ZBTB7C: variants seen among roughly 807,000 people sequenced by gnomAD.
ZBTB7C encodes the protein zinc finger and BTB domain containing 7C.
Under a neutral mutation model 25.7 loss-of-function variants are expected in ZBTB7C, and 8 were observed. The observed-to-expected ratio is 0.31, with a 90% CI of 0.18 to 0.56. The LOEUF (loss-of-function observed/expected upper bound fraction) is 0.56. Ranked by LOEUF, ZBTB7C falls within the 20% of genes least tolerant of loss-of-function variation. ZBTB7C has a pLI of 0.91. For missense variants in ZBTB7C, 824 were observed against 855.2 expected, an observed-to-expected ratio of 0.96 and a Z score of 0.46; for synonymous variants, 394 against 369.0, an observed-to-expected ratio of 1.07 and a Z score of -0.78.
chr18:48,166,782 GTGA>G (rs1296798789), intron 3 of ZBTB7C, among the ~76,000 whole-genome samples: 2 of 152,208 alleles, frequency 1.3e-5, no homozygotes, highest in Non-Finnish European at 2.9e-5. Flanking sequence ...GGCACATTTG[GTGA>G]TGGTTTTGCT....
At chr18:48,268,831 A>C (rs1459498394) in intron 2 of ZBTB7C, among the ~76,000 whole-genome samples, 3 of 152,236 alleles carry the variant, frequency 2.0e-5, no homozygotes, top group African/African-American at 7.2e-5. Context: ...TTGTGATGCT[A>C]TAATAAAATA....
chr18:48,145,414 C>T (rs1477698710), intron 3 of ZBTB7C, among the ~76,000 whole-genome samples: 5 of 152,188 alleles, frequency 3.3e-5, no homozygotes, highest in Non-Finnish European at 5.9e-5. Flanking sequence ...CAACTCCCTA[C>T]AGTAATTTGA....
intron 2 of ZBTB7C, among the ~76,000 whole-genome samples, chr18:48,261,707 T>G (rs766108594): frequency 2.6e-5 from 4 of 152,198 alleles, no homozygotes; most frequent in Non-Finnish European, 5.9e-5. Flanking sequence ...CCCTAAGCTC[T>G]CACTGTCGCT....
rs2037645176 is a variant in ZBTB7C at position 48,073,709 on chromosome 18, G to A, written c.-16-32586C>T. ...TCCAGGGCTGAGTCTGGCTGTGGCT[G>A]GCCGGCTGGCCTCCGCCCTGGCTCC... is the stretch of plus-strand genomic sequence containing the variant. On this transcript the variant is annotated intron_variant, in intron 3 of 4. Coordinates refer to ENST00000590800, the MANE Select transcript of ZBTB7C (RefSeq NM_001318841.2). Among the ~76,000 whole-genome samples the A allele has an allele frequency of 2.0e-5, 3 of 151,906 alleles. No homozygotes were observed. The South Asian group carries it at 6.2e-4, about 32-fold the overall frequency.
intron 3 of ZBTB7C, among the ~76,000 whole-genome samples, chr18:48,167,564 GT>G (rs1568272665): frequency 4.2e-4 from 11 of 26,446 alleles, no homozygotes; most frequent in East Asian, 2.7e-3. Context: ...CATTGCTAGG[GT>G]GTGTGTGTGT....
At chr18:48,083,869 C>T (rs1285569559) in intron 3 of ZBTB7C, 15 of 985,424 alleles carry the variant, frequency 1.5e-5, no homozygotes, top group Non-Finnish European at 1.8e-5. Flanking sequence ...CCTATCTTGT[C>T]CCTGAAGAAA....
chr18:48,264,965 C>T (rs529446067), intron 2 of ZBTB7C, among the ~76,000 whole-genome samples: 5 of 152,286 alleles, frequency 3.3e-5, no homozygotes, highest in East Asian at 1.9e-4. Flanking sequence ...GGGAAGGTCA[C>T]GGTGAAGTGA....
chr18:48,371,224 G>A (rs1196918183), intron 1 of ZBTB7C, among the ~76,000 whole-genome samples: 1 of 152,164 alleles, frequency 6.6e-6, no homozygotes, highest in Non-Finnish European at 1.5e-5. Flanking sequence ...GCTCTATCAA[G>A]CTGCAGGCCA....
In ZBTB7C at chr18:48,071,751, T is replaced by C. The variant is rs138240370; in HGVS notation, c.-16-30628A>G. Among the ~76,000 whole-genome samples the C allele has an allele frequency of 2.5e-3, 376 of 152,358 alleles. 1 individual carries two copies. The highest frequency in any genetic ancestry group is 4.5e-3 in the Non-Finnish European group (306 of 68,036). The stretch of plus-strand genomic sequence containing the variant: ...GTGGAAACAAACCGAAGTCCATCAG[T>C]GGATGAATGGGGAAACCAAATGTGA... On this transcript the variant is annotated intron_variant, in intron 3 of 4. Coordinates refer to ENST00000590800, the MANE Select transcript of ZBTB7C (RefSeq NM_001318841.2).
At chr18:48,367,175 TTATATATA>T (rs71165321) in intron 1 of ZBTB7C, among the ~76,000 whole-genome samples, 1,405 of 62,230 alleles carry the variant, frequency 0.023, 87 homozygotes, top group African/African-American at 0.096. Context: ...TCCCCAAGTT[TTATATATA>T]TATATATATA....
At chr18:48,234,376 C>T (rs544889412) in intron 2 of ZBTB7C, among the ~76,000 whole-genome samples, 3 of 152,134 alleles carry the variant, frequency 2.0e-5, no homozygotes, top group Admixed American at 2.0e-4. Flanking sequence ...AATTGAAAAA[C>T]AAACATGTAT....
intron 2 of ZBTB7C, among the ~76,000 whole-genome samples, chr18:48,296,140 C>T (rs191795038): frequency 1.3e-5 from 2 of 152,312 alleles, no homozygotes; most frequent in Admixed American, 1.3e-4. Context: ...CATGCCCATG[C>T]GCCTTGGTCT....
At chr18:48,252,132 TA>T (rs1401213074) in intron 2 of ZBTB7C, 2 of 152,144 alleles carry the variant, frequency 1.3e-5, no homozygotes, top group Non-Finnish European at 2.9e-5. Context: ...AATAAACTTT[TA>T]AAAAGAATTG....
intron 2 of ZBTB7C, among the ~76,000 whole-genome samples, chr18:48,285,392 G>C (rs550876622): frequency 6.6e-6 from 1 of 152,282 alleles, no homozygotes; most frequent in South Asian, 2.1e-4. Context: ...CAATGATCCT[G>C]TTTATTTATA....
At chr18:48,286,959 G>A (rs551813276) in intron 2 of ZBTB7C, among the ~76,000 whole-genome samples, 8 of 152,202 alleles carry the variant, frequency 5.3e-5, no homozygotes, top group African/African-American at 1.9e-4. Context: ...GGCTGAGGTA[G>A]GAGATTGCTT....
At chr18:48,145,561 G>T (rs2040472404) in intron 3 of ZBTB7C, among the ~76,000 whole-genome samples, 1 of 152,202 alleles carries the variant, frequency 6.6e-6, no homozygotes. Context: ...GTCTTATTGA[G>T]CAGGTAACCT....
chr18:48,038,483 T>C (rs1008741936), intron 4 of ZBTB7C, among the ~76,000 whole-genome samples: 1 of 128,022 alleles, frequency 7.8e-6, no homozygotes, highest in African/African-American at 3.6e-5. Flanking sequence ...AACTCTTCTC[T>C]GGCAACTTCC....
At chr18:48,041,538 C>T (rs1407688448) in intron 3 of ZBTB7C, 1 of 985,214 alleles carries the variant, frequency 1.0e-6, no homozygotes, top group Non-Finnish European at 1.2e-6. Flanking sequence ...CTCAGTGCTT[C>T]TGCTGAGAAG....
At chr18:48,173,974 C>T (rs764945836) in intron 3 of ZBTB7C, among the ~76,000 whole-genome samples, 2 of 152,244 alleles carry the variant, frequency 1.3e-5, no homozygotes, top group Non-Finnish European at 2.9e-5. Context: ...CATCCTCCAC[C>T]CCATCAACCT....
Sources: gnomAD v4.1 joint callset for allele counts (sites outside exome capture counted in the v4.1 genomes callset) on GRCh38, gnomAD v4.1.1 for gene constraint, MANE v1.5 for transcripts, NCBI Gene and HGNC (gene_info 2026-07-23, HGNC 2026-07-21) for gene names.